Variants in FBF1 observed in about 807,000 individuals in gnomAD.
The protein encoded by FBF1 is fas-binding factor 1.
A neutral mutation model predicts 147.2 loss-of-function variants in FBF1; 119 were observed. The observed-to-expected ratio is 0.81, with a 90% CI of 0.70 to 0.94. The LOEUF (loss-of-function observed/expected upper bound fraction) is 0.94. Ranked by LOEUF, FBF1 falls within the 40% of genes least tolerant of loss-of-function variation. FBF1 has a pLI of 0.00. For missense variants in FBF1, 1,449 were observed against 1,500.8 expected (o/e 0.97, Z 0.57); for synonymous variants, 601 against 609.0 (o/e 0.99, Z 0.19).
chr17:75,920,578 C>T lies in FBF1; in HGVS notation c.1675-149G>A, dbSNP rs190937021. The stretch of plus-strand genomic sequence containing the variant: ...CCAAGGCCTTGGAAAGTAACAGTCA[C>T]TGCGGCTAAGCAGTCCCCAGTGTAC... On this transcript the variant is annotated intron_variant, in intron 17 of 29. Transcript: ENST00000636174. The T allele has an allele frequency of 1.2e-5, 10 of 836,218 alleles. No homozygotes were observed. In the Admixed American group the frequency reaches 1.7e-4, roughly 15 times the overall value. 51.8% of individuals were successfully genotyped at this position (836,218 alleles called of 1,614,324 possible).
rs962061698 is a variant in FBF1, at chr17:75,922,374, CTAGAT to C, written c.1425-333_1425-329del. Among the ~76,000 whole-genome samples the C allele has an allele frequency of 1.8e-4, 28 of 152,174 alleles. No homozygotes were observed. The highest frequency in any genetic ancestry group is 2.6e-4 in the Admixed American group (4 of 15,276). On this transcript the variant is annotated intron_variant, in intron 14 of 29. Transcript: ENST00000636174. This position sits in a 1 kb window ranked among gnomAD's most constrained non-coding sequence, Gnocchi z 5.0. The stretch of plus-strand genomic sequence containing the variant: ...CCAGTCCACTTAACTTGGCTCAGCT[CTAGAT>C]TAGGATTCTGCTCAGTCTACCAAAT...
intron 7 of FBF1, among the ~76,000 whole-genome samples, chr17:75,929,100 A>C (rs60554137): frequency 2.6e-5 from 4 of 151,696 alleles, no homozygotes; most frequent in Non-Finnish European, 5.9e-5. Context: ...AAGCGAGCCT[A>C]CTGCCTCGGC....
At chr17:75,916,701 G>GAAA (rs1567858383) in intron 23 of FBF1, among the ~76,000 whole-genome samples, 1 of 152,216 alleles carries the variant, frequency 6.6e-6, no homozygotes, top group Admixed American at 6.5e-5. Flanking sequence ...GGACAAGGAA[G>GAAA]GCTTTGTGGA....
intron 25 of FBF1, chr17:75,914,525 G>T: frequency 1.2e-6 from 1 of 854,478 alleles, no homozygotes; most frequent in Non-Finnish European, 1.7e-6. Context: ...ATTTCTAAAT[G>T]ACCAAAGTCA....
In FBF1 at chr17:75,925,243, T is replaced by C; in HGVS notation, c.968+104A>G. Reference sequence around the variant, plus strand: ...GCTGAGGGCCTTGTACCCTGTGGCCTCCCACATGAGACTCTCGGGTGGGAC... The same window carrying C: ...GCTGAGGGCCTTGTACCCTGTGGCCCCCCACATGAGACTCTCGGGTGGGAC... On this transcript the variant is annotated intron_variant, in intron 13 of 29. Transcript: ENST00000636174. This position sits in a 1 kb window ranked among gnomAD's most constrained non-coding sequence, Gnocchi z 5.0. The C allele has an allele frequency of 1.2e-6, 1 of 830,858 alleles. No homozygotes were observed. The highest frequency in any genetic ancestry group is 2.7e-5 in the East Asian group (1 of 37,086). 51.5% of individuals were successfully genotyped at this position (830,858 alleles called of 1,614,324 possible).
Position 75,921,990 on chromosome 17 carries a change from C to A in FBF1, c.1481G>T (p.Gly494Val). Residue 494 changes from glycine (G) to valine (V), a missense_variant, in exon 15 of 30, where the codon GGA becomes GTA. By Grantham distance (109) the Gly-to-Val change is moderately radical. Transcript: ENST00000636174. ...LEHAAAGGSS[G>V]TTARERPCVR... Reference sequence around the variant, plus strand: ...ACACGGTCTTTCTCGTGCAGTTGTTCCAGAACTCCCTCCAGCAGCTGCGTG... The same window carrying A: ...ACACGGTCTTTCTCGTGCAGTTGTTACAGAACTCCCTCCAGCAGCTGCGTG... 6.4e-7 allele frequency: 1 copy of A among 1,551,698 alleles called. No homozygotes were observed. The highest frequency in any genetic ancestry group is 8.7e-7 in the Non-Finnish European group (1 of 1,147,028).
rs2065535778 is a variant in FBF1, at chr17:75,922,765, A to G, written c.1424+421T>C. On this transcript the variant is annotated intron_variant, in intron 14 of 29. Coordinates refer to ENST00000636174, the MANE Select transcript of FBF1 (RefSeq NM_001319193.2). The surrounding 1 kb of genome is among the most constrained non-coding windows in gnomAD (Gnocchi z 5.0). ...CTCCTCTAACACTCTCAAAGAGCAC[A>G]GGGACATCTCAGCTCACACACGCCA... Among the ~76,000 whole-genome samples the G allele has an allele frequency of 6.6e-6, 1 of 152,230 alleles. No individual in the cohort carries two copies. Among genetic ancestry groups the G allele is most frequent in the Non-Finnish European group, 1.5e-5 (1 of 68,042 alleles).
chr17:75,928,024 C>T lies in FBF1; in HGVS notation c.397+52G>A. 4.9e-6 allele frequency: 7 copies of T among 1,441,140 alleles called. No individual in the cohort carries two copies. The highest frequency in any genetic ancestry group is 6.8e-6 in the Non-Finnish European group (7 of 1,029,748). 89.3% of individuals were successfully genotyped at this position (1,441,140 alleles called of 1,614,324 possible). A position where few individuals can be genotyped will look rare whatever the true frequency, so the allele number is the denominator to read the frequency against. On this transcript the variant is annotated intron_variant, in intron 8 of 29. Transcript: ENST00000636174. This position sits in a 1 kb window ranked among gnomAD's most constrained non-coding sequence, Gnocchi z 4.2. ...TTCCACGTCCTCAAAGTCTCCCTAG[C>T]AGATGCGAGGAGCCGTCTCCCATGC... is the stretch of plus-strand genomic sequence containing the variant.
intron 5 of FBF1, 85 bp from the exon 6 acceptor site, chr17:75,931,374 A>G (rs766806759): frequency 1.1e-5 from 14 of 1,244,066 alleles, no homozygotes; most frequent in African/African-American, 1.5e-5. Flanking sequence ...AGAAAGCCCA[A>G]GGAATCTCGG....
intron 11 of FBF1, 38 bp from the exon 12 acceptor site, chr17:75,926,201 G>A (rs374110657): frequency 9.9e-5 from 159 of 1,605,180 alleles, no homozygotes; most frequent in Non-Finnish European, 1.3e-4. Context: ...GTGTAGGTAT[G>A]AGGGGCTCTC....
In FBF1 at chr17:75,910,483, T is replaced by G; in HGVS notation, c.*240A>C. ...GACCCTCAGATCCAAGCCAATGGCT[T>G]TGGGGCAGGGCAGCCAAAGCCATGG... On this transcript the variant is annotated 3_prime_UTR_variant, in exon 30 of 30. Transcript: ENST00000636174. The surrounding 1 kb of genome is among the most constrained non-coding windows in gnomAD (Gnocchi z 4.1). 2.0e-6 allele frequency: 1 copy of G among 505,674 alleles called. No individual in the cohort carries two copies. 31.3% of individuals were successfully genotyped at this position (505,674 alleles called of 1,614,324 possible).
intron 4 of FBF1, among the ~76,000 whole-genome samples, chr17:75,934,555 CAAA>C (rs974439444): frequency 4.7e-5 from 4 of 84,382 alleles, no homozygotes; most frequent in Admixed American, 1.4e-4. Context: ...GACTCTGTCT[CAAA>C]AAAAAAAAAA....
chr17:75,933,037 G>C lies in FBF1; in HGVS notation c.125C>G (p.Thr42Arg), dbSNP rs149283443. Residue 42 changes from threonine (T) to arginine (R), a missense_variant, in exon 5 of 30, where the codon ACA (threonine) becomes AGA (arginine). Physicochemically the swap from Thr to Arg is moderately conservative, Grantham distance 71. Transcript: ENST00000636174. Reference sequence around the variant, plus strand: ...AGAAGGGAACATCTGAGATACACCTGTGGTGTCTCTGGTATGTGAAGCTAG... The same window carrying C: ...AGAAGGGAACATCTGAGATACACCTCTGGTGTCTCTGGTATGTGAAGCTAG... Reference protein sequence around the residue: ...VKLASHTRDTTGVSQMFPSSK... With the variant: ...VKLASHTRDTRGVSQMFPSSK... The C allele has an allele frequency of 6.2e-7, 1 of 1,608,260 alleles. No individual in the cohort carries two copies.
At position 75,922,450 on chromosome 17, in the gene FBF1, C is replaced by T. The variant is rs891966806; in HGVS notation, c.1425-404G>A. Among the ~76,000 whole-genome samples, 4 of 152,182 alleles carry T rather than the reference C, an allele frequency of 2.6e-5. No homozygotes were observed. The highest frequency in any genetic ancestry group is 1.9e-4 in the East Asian group (1 of 5,200). ...TTATTTCCACCTCTTTCTCGGCTCA[C>T]GGGTCAGTGAAGAGACAGGCTCTTT... On this transcript the variant is annotated intron_variant, in intron 14 of 29. Transcript: ENST00000636174. This position sits in a 1 kb window ranked among gnomAD's most constrained non-coding sequence, Gnocchi z 5.0.
chr17:75,926,835 CCTT>C lies in FBF1; in HGVS notation c.515_517del (p.Glu172del). On this transcript the variant is annotated inframe_deletion, in exon 10 of 30. Transcript: ENST00000636174. ...CACAGGCGGCTGCTTGGTGATTCCT[CCTT>C]CATCATAGGAGAGAAGTCCTCTCAA... 2 of 1,613,700 alleles carry C rather than the reference CCTT, an allele frequency of 1.2e-6. No homozygotes were observed. The highest frequency in any genetic ancestry group is 1.7e-6 in the Non-Finnish European group (2 of 1,179,804).
intron 16 of FBF1, 24 bp downstream of exon 16, chr17:75,921,448 T>A: frequency 6.2e-7 from 1 of 1,603,674 alleles, no homozygotes; most frequent in Non-Finnish European, 8.5e-7. Context: ...AACTCCCAAA[T>A]GAAGCAGCAA....
Position 75,922,221 on chromosome 17 carries a change from A to G in FBF1, c.1425-175T>C. ...GTCTGAGCTCCTGGGATTTCTGGGC[A>G]TCTCTTCCCTTCCAGTACCCCCTTC... On this transcript the variant is annotated intron_variant, in intron 14 of 29. Coordinates refer to ENST00000636174, the MANE Select transcript of FBF1 (RefSeq NM_001319193.2). This position sits in a 1 kb window ranked among gnomAD's most constrained non-coding sequence, Gnocchi z 5.0. 1.7e-6 allele frequency: 1 copy of G among 577,780 alleles called. No individual in the cohort carries two copies. Among genetic ancestry groups the G allele is most frequent in the Non-Finnish European group, 3.1e-6 (1 of 323,578 alleles). 35.8% of individuals were successfully genotyped at this position (577,780 alleles called of 1,614,324 possible).
Position 75,921,248 on chromosome 17 carries a change from A to C in FBF1, c.1670T>G (p.Val557Gly), listed in dbSNP as rs1262707813. Residue 557 changes from valine (V) to glycine (G), a missense_variant, in exon 17 of 30, where the codon GTC (valine) becomes GGC (glycine). Val to Gly is a moderately radical substitution (Grantham distance 109). Coordinates refer to ENST00000636174, the MANE Select transcript of FBF1 (RefSeq NM_001319193.2). ...TQKPTEPSVP[V>G]QPLLPESLAR... ...CCTGTCTGCCCACACCCCTACCTGG[A>C]CGGGCACGGAAGGCTCTGTGGGTTT... The C allele has an allele frequency of 6.3e-7, 1 of 1,586,022 alleles. No homozygotes were observed. Among genetic ancestry groups the C allele is most frequent in the Admixed American group, 1.8e-5 (1 of 55,670 alleles).
rs774684514 is a variant in FBF1 at position 75,928,095 on chromosome 17, G to C, written c.378C>G (p.Pro126=). ...AAKDPGKGEL[P]NHPKPAGGAI... ...ACCCACCTGCAGGCTTGGGGTGGTTGGGCAGCTCTCCTTTCCCAGGGTCCT... is the reference window on the plus strand; with the variant it reads ...ACCCACCTGCAGGCTTGGGGTGGTTCGGCAGCTCTCCTTTCCCAGGGTCCT... The change falls in exon 8 of 30, where the codon CCC becomes CCG. Residue 126 remains proline, a synonymous_variant. Coordinates refer to ENST00000636174, the MANE Select transcript of FBF1 (RefSeq NM_001319193.2). The surrounding 1 kb of genome is among the most constrained non-coding windows in gnomAD (Gnocchi z 4.2). The C allele has an allele frequency of 8.1e-6, 13 of 1,613,484 alleles. No homozygotes were observed. Among genetic ancestry groups the C allele is most frequent in the Non-Finnish European group, 1.1e-5 (13 of 1,179,846 alleles).
Sources: allele counts gnomAD v4.1 joint callset (sites outside exome capture counted in the v4.1 genomes callset), GRCh38; gene constraint gnomAD v4.1.1; non-coding constraint Gnocchi (gnomAD v3.1); transcripts MANE v1.5; gene names NCBI Gene and HGNC (gene_info 2026-07-23, HGNC 2026-07-21).